Variants in RAB3IP observed in about 807,000 individuals in gnomAD.
The protein encoded by RAB3IP is RAB3A interacting protein, also known as rab-3A-interacting protein.
In RAB3IP, 36 loss-of-function variants were observed where a neutral mutation model predicts 59.1. The observed-to-expected ratio is 0.61, with a 90% CI of 0.47 to 0.80. The LOEUF (loss-of-function observed/expected upper bound fraction) is 0.80, where lower values mean the gene tolerates loss of function less well. Among genes scored for constraint, RAB3IP ranks in the 30% least tolerant of loss-of-function variants. The pLI is 0.00. For synonymous variants in RAB3IP, 207 were observed against 191.2 expected (o/e 1.08, Z -0.68); for missense variants, 511 against 536.0 (o/e 0.95, Z 0.46).
chr12:69,813,177 C>G, intron 10 of RAB3IP, 144 bp downstream of exon 10: 1 of 548,252 alleles, frequency 1.8e-6, no homozygotes, highest in Non-Finnish European at 3.2e-6. Flanking sequence ...TTCTATAGTT[C>G]TAATAAAATT....
rs768836111 is a variant in RAB3IP at position 69,756,569 on chromosome 12, C to T, written c.416C>T (p.Thr139Ile). The change falls in exon 3 of 11, where the codon ACT becomes ATT. Residue 139 changes from threonine (T) to isoleucine (I), a missense_variant. Transcript: ENST00000247833. ...AGTGATGATATTTTTGGGTTGAGTACTGATAGTCTGTCTCGTTTACGAAGC... is the reference window on the plus strand; with the variant it reads ...AGTGATGATATTTTTGGGTTGAGTATTGATAGTCTGTCTCGTTTACGAAGC... ...DGSDDIFGLS[T>I]DSLSRLRSPS... 6.2e-7 allele frequency: 1 copy of T among 1,614,096 alleles called. No individual in the cohort carries two copies. Among genetic ancestry groups the T allele is most frequent in the Non-Finnish European group, 8.5e-7 (1 of 1,180,006 alleles).
chr12:69,805,509 C>T (rs2136262107), intron 8 of RAB3IP, among the ~76,000 whole-genome samples: 1 of 152,068 alleles, frequency 6.6e-6, no homozygotes, highest in East Asian at 1.9e-4. Flanking sequence ...GCCTGATTGC[C>T]CTGGCCAGAA....
chr12:69,790,829 C>T (rs1393674232), intron 4 of RAB3IP, among the ~76,000 whole-genome samples: 2 of 152,328 alleles, frequency 1.3e-5, no homozygotes, highest in African/African-American at 4.8e-5. Context: ...GGTGATCTAC[C>T]TGCCTCAGCC....
At chr12:69,790,130 CTG>C (rs1876366321) in intron 4 of RAB3IP, among the ~76,000 whole-genome samples, 1 of 152,108 alleles carries the variant, frequency 6.6e-6, no homozygotes, top group Non-Finnish European at 1.5e-5. Flanking sequence ...GAAATAATCT[CTG>C]TGTGCAGATG....
chr12:69,771,352 G>A (rs1873078618), intron 3 of RAB3IP, among the ~76,000 whole-genome samples: 1 of 152,100 alleles, frequency 6.6e-6, no homozygotes, highest in Non-Finnish European at 1.5e-5. Context: ...GCAACATAGC[G>A]AGATGCCATT....
At chr12:69,797,477 C>CTTTTTTTTTT in intron 6 of RAB3IP, among the ~76,000 whole-genome samples, 4 of 54,944 alleles carry the variant, frequency 7.3e-5, no homozygotes, top group Non-Finnish European at 1.3e-4. Context: ...TCTTTTCTTT[C>CTTTTTTTTTT]TTTTTTTTTT....
intron 3 of RAB3IP, among the ~76,000 whole-genome samples, chr12:69,779,703 G>T (rs571517382): frequency 1.4e-5 from 2 of 146,606 alleles, no homozygotes; most frequent in South Asian, 2.1e-4. Flanking sequence ...TTTTTTTCCA[G>T]CGTCTCTCTT....
intron 6 of RAB3IP, among the ~76,000 whole-genome samples, chr12:69,797,156 C>T (rs1390561590): frequency 6.6e-6 from 1 of 152,186 alleles, no homozygotes; most frequent in Non-Finnish European, 1.5e-5. Flanking sequence ...ATGACATTAG[C>T]AACATGTCTT....
At chr12:69,769,384 C>T (rs1177233519) in intron 3 of RAB3IP, among the ~76,000 whole-genome samples, 2 of 152,190 alleles carry the variant, frequency 1.3e-5, no homozygotes, top group Non-Finnish European at 2.9e-5. Context: ...AAAGTGCTCT[C>T]CTTCAGCCAG....
chr12:69,794,192 C>T (rs530123397), intron 4 of RAB3IP, among the ~76,000 whole-genome samples: 77 of 152,302 alleles, frequency 5.1e-4, no homozygotes, highest in Non-Finnish European at 8.5e-4. Flanking sequence ...ACGCAAGTAT[C>T]TATCCGGATG....
chr12:69,810,427 A>G (rs1880251597), intron 8 of RAB3IP, among the ~76,000 whole-genome samples: 1 of 152,154 alleles, frequency 6.6e-6, no homozygotes, highest in Non-Finnish European at 1.5e-5. Flanking sequence ...TTCAAAGCTT[A>G]GCTGGAAATG....
intron 3 of RAB3IP, among the ~76,000 whole-genome samples, chr12:69,771,716 C>T (rs996951295): frequency 6.6e-6 from 1 of 152,138 alleles, no homozygotes; most frequent in Non-Finnish European, 1.5e-5. Context: ...GGAGAACCTC[C>T]ATACTGTTGT....
intron 8 of RAB3IP, among the ~76,000 whole-genome samples, chr12:69,807,039 C>G (rs2136268965): frequency 6.6e-6 from 1 of 152,290 alleles, no homozygotes; most frequent in Non-Finnish European, 1.5e-5. Context: ...TCCCCCTTTT[C>G]TTTTCAACAA....
At chr12:69,745,136 A>G (rs530608617) in intron 1 of RAB3IP, among the ~76,000 whole-genome samples, 3 of 152,340 alleles carry the variant, frequency 2.0e-5, no homozygotes, top group African/African-American at 7.2e-5. Context: ...GTCCTCATCC[A>G]TCCACTTCTC....
At position 69,811,702 on chromosome 12, in the gene RAB3IP, A is replaced by T. The variant is rs548565007; in HGVS notation, c.1131-1076A>T. 1.3e-4 allele frequency among the ~76,000 whole-genome samples: 20 copies of T among 152,366 alleles called. No individual in the cohort carries two copies. In the South Asian group the frequency reaches 3.5e-3, roughly 27 times the overall value. ...ATTAAAGGAATTTGCTAATAAAGAA[A>T]CAATGAAGAAATATCTATTTGAAAA... On this transcript the variant is annotated intron_variant, in intron 8 of 10. Coordinates refer to ENST00000247833, the MANE Select transcript of RAB3IP (RefSeq NM_022456.5).
At chr12:69,795,108 T>G in intron 5 of RAB3IP, 33 bp from the exon 6 acceptor site, 1 of 1,517,908 alleles carries the variant, frequency 6.6e-7, no homozygotes, top group Non-Finnish European at 9.1e-7. Flanking sequence ...GAAACGTATT[T>G]AATGTATGTG....
At chr12:69,793,890 A>T (rs1877034960) in intron 4 of RAB3IP, among the ~76,000 whole-genome samples, 1 of 152,222 alleles carries the variant, frequency 6.6e-6, no homozygotes, top group South Asian at 2.1e-4. Context: ...GTACTAGAAG[A>T]TTAAAACTCT....
At chr12:69,760,198 C>T (rs913726872) in intron 3 of RAB3IP, among the ~76,000 whole-genome samples, 8 of 152,220 alleles carry the variant, frequency 5.3e-5, no homozygotes, top group Non-Finnish European at 8.8e-5. Context: ...GCCAACACAG[C>T]GAAACCCCGT....
At position 69,817,478 on chromosome 12, in the gene RAB3IP, AATATAAGTTATGGT is replaced by A. The variant is rs1456941959; in HGVS notation, c.*2037_*2050del. On this transcript the variant is annotated 3_prime_UTR_variant, in exon 11 of 11. Transcript: ENST00000247833. ...AAACCATAAAAGATAACCATAAAAG[AATATAAGTTATGGT>A]ATATTATAAATTCTTAATTTAGAAA... 2 of 151,958 alleles carry A rather than the reference AATATAAGTTATGGT, an allele frequency of 1.3e-5. No individual in the cohort carries two copies. The highest frequency in any genetic ancestry group is 4.8e-5 in the African/African-American group (2 of 41,416). The allele number at this position is 151,958 out of a possible 1,614,324, so 9.4% of individuals were successfully genotyped here.
Sources: allele counts gnomAD v4.1 joint callset (sites outside exome capture counted in the v4.1 genomes callset), GRCh38; gene constraint gnomAD v4.1.1; transcripts MANE v1.5; gene names NCBI Gene and HGNC (gene_info 2026-07-23, HGNC 2026-07-21).